The following WDPCP variants were observed in gnomAD, a reference collection of about 807,000 sequenced individuals.
The protein encoded by WDPCP is WD repeat containing planar cell polarity effector, also known as WD repeat-containing and planar cell polarity effector protein fritz homolog.
Under a neutral mutation model 93.1 loss-of-function variants are expected in WDPCP, and 71 were observed. The ratio of observed to expected loss-of-function variants is 0.76; its 90% confidence interval spans 0.63 to 0.93. The LOEUF is 0.93. Among genes scored for constraint, WDPCP ranks in the 40% least tolerant of loss-of-function variants. WDPCP has a pLI of 0.00. For synonymous variants in WDPCP, 315 were observed against 315.0 expected, an observed-to-expected ratio of 1.00 and a Z score of 0.00; for missense variants, 844 against 887.4, an observed-to-expected ratio of 0.95 and a Z score of 0.62.
chr2:63,543,571 AT>A (rs561217927), intron 1 of WDPCP, among the ~76,000 whole-genome samples: 375 of 151,430 alleles, frequency 2.5e-3, no homozygotes, highest in South Asian at 9.0e-3. Context: ...TATCCATATA[AT>A]TTTTTTTTAC....
intron 6 of WDPCP, among the ~76,000 whole-genome samples, chr2:63,448,835 T>C (rs753392669): frequency 3.9e-5 from 6 of 152,132 alleles, no homozygotes; most frequent in Non-Finnish European, 7.4e-5. Flanking sequence ...CTAGAGAGTA[T>C]GATGGTAGTT....
chr2:63,364,142 C>CTTTGTT (rs963164687), intron 12 of WDPCP, among the ~76,000 whole-genome samples: 1 of 152,142 alleles, frequency 6.6e-6, no homozygotes, highest in African/African-American at 2.4e-5. Context: ...CACCATGATT[C>CTTTGTT]TTTGTTTTTT....
chr2:63,153,029 A>G lies in WDPCP; in HGVS notation c.2159-84T>C, dbSNP rs1671988655. 5 of 1,067,432 alleles carry G rather than the reference A, an allele frequency of 4.7e-6. No homozygotes were observed. In the South Asian group the frequency reaches 6.8e-5, roughly 14 times the overall value. The allele number at this position is 1,067,432 out of a possible 1,614,324, so 66.1% of individuals were successfully genotyped here. A position where few individuals can be genotyped will look rare whatever the true frequency, so the allele number is the denominator to read the frequency against. ...AATTTTTTTACAACACTAAAAACAG[A>G]AATGCTTAAAATAATAACAAGTTAC... On this transcript the variant is annotated intron_variant, in intron 16 of 17. Transcript: ENST00000272321.
Position 63,139,170 on chromosome 2 carries a change from T to TACACACACACACAC in WDPCP, c.2190+13730_2190+13743dup, listed in dbSNP as rs143596446. ...GTATATGTGTATGTATATATGTGTA[T>TACACACACACACAC]ACACACACACACACACACACACACA... On this transcript the variant is annotated intron_variant, in intron 17 of 17. Transcript: ENST00000272321. Among the ~76,000 whole-genome samples the TACACACACACACAC allele has an allele frequency of 9.4e-4, 140 of 149,330 alleles. 1 individual carries two copies. The highest frequency in any genetic ancestry group is 3.1e-3 in the African/African-American group (128 of 40,636).
chr2:63,552,156 G>T (rs1319860162), intron 1 of WDPCP, among the ~76,000 whole-genome samples: 1 of 145,860 alleles, frequency 6.9e-6, no homozygotes, highest in Non-Finnish European at 1.5e-5. Context: ...TTCTATTATA[G>T]TACCCAAAAA....
At chr2:63,146,408 T>G (rs1432728846) in intron 17 of WDPCP, among the ~76,000 whole-genome samples, 3 of 40,198 alleles carry the variant, frequency 7.5e-5, no homozygotes, top group Non-Finnish European at 2.0e-4. Flanking sequence ...GAGAGCGTGT[T>G]TTTTTTTTTT....
At chr2:63,364,882 A>G (rs941366154) in intron 12 of WDPCP, among the ~76,000 whole-genome samples, 1 of 152,174 alleles carries the variant, frequency 6.6e-6, no homozygotes, top group Non-Finnish European at 1.5e-5. Context: ...CTTTTTATGT[A>G]AAGGGCCAAA....
chr2:63,348,346 G>A (rs1006395287), intron 12 of WDPCP, among the ~76,000 whole-genome samples: 1 of 152,140 alleles, frequency 6.6e-6, no homozygotes, highest in Admixed American at 6.5e-5. Context: ...CAGACTATAA[G>A]TGCTATAGCA....
intron 1 of WDPCP, among the ~76,000 whole-genome samples, chr2:63,575,427 A>AC (rs1231795951): frequency 1.2e-5 from 1 of 83,886 alleles, no homozygotes; most frequent in African/African-American, 6.2e-5. Context: ...CACTGTATAC[A>AC]GTGTATATAC....
intron 10 of WDPCP, 134 bp downstream of exon 10, chr2:63,403,914 G>C: frequency 8.0e-7 from 1 of 1,242,492 alleles, no homozygotes; most frequent in Non-Finnish European, 1.1e-6. Flanking sequence ...GGAACTATAT[G>C]GATATTTGAA....
At chr2:63,261,622 C>G (rs1027134942) in intron 13 of WDPCP, among the ~76,000 whole-genome samples, 1 of 152,082 alleles carries the variant, frequency 6.6e-6, no homozygotes, top group African/African-American at 2.4e-5. Flanking sequence ...GAAGTGTTAC[C>G]TCCTCTGAAA....
In WDPCP at chr2:63,617,065, A is replaced by G. The variant is rs982227101; in HGVS notation, n.488+33594T>C. On this transcript the variant is annotated intron_variant and non_coding_transcript_variant, in intron 3 of 4. Coordinates refer to the WDPCP transcript ENST00000467687. The stretch of plus-strand genomic sequence containing the variant: ...CAGGTCTTCTGGGGCAGAACTGAGC[A>G]CTTGTAATTAGCACCTCACCACAGG... 2.0e-5 allele frequency among the ~76,000 whole-genome samples: 3 copies of G among 152,336 alleles called. No homozygotes were observed. In the South Asian group the frequency reaches 6.2e-4, roughly 32 times the overall value.
chr2:63,628,228 A>T (rs1006131492), intron 3 of WDPCP, among the ~76,000 whole-genome samples: 12 of 152,184 alleles, frequency 7.9e-5, no homozygotes, highest in Admixed American at 6.5e-4. Context: ...ACAAAATAGG[A>T]TAATGGTAAC....
chr2:63,597,080 AT>A (rs1208213291), intron 3 of WDPCP, among the ~76,000 whole-genome samples: 1 of 152,220 alleles, frequency 6.6e-6, no homozygotes, highest in African/African-American at 2.4e-5. Flanking sequence ...TTGTGTGGTA[AT>A]TAGTGTGAAT....
At chr2:63,219,089 T>C (rs1473915508) in intron 14 of WDPCP, among the ~76,000 whole-genome samples, 1 of 152,234 alleles carries the variant, frequency 6.6e-6, no homozygotes, top group African/African-American at 2.4e-5. Flanking sequence ...TCATAAATCT[T>C]TGCAATGCTC....
intron 15 of WDPCP, among the ~76,000 whole-genome samples, chr2:63,160,740 C>A (rs900378645): frequency 2.0e-5 from 3 of 152,250 alleles, no homozygotes; most frequent in Admixed American, 1.3e-4. Flanking sequence ...CATTTCACAA[C>A]CCCTAATAAA....
At chr2:63,124,744 C>T (rs1669775130) in intron 17 of WDPCP, among the ~76,000 whole-genome samples, 1 of 152,142 alleles carries the variant, frequency 6.6e-6, no homozygotes, top group Non-Finnish European at 1.5e-5. Context: ...TCTTAAAACT[C>T]CCTAATCTGA....
rs372952017 is a variant in WDPCP, at chr2:63,727,323, G to T, written n.309-76485C>A. Among the ~76,000 whole-genome samples, 155 of 152,218 alleles carry T rather than the reference G, an allele frequency of 1.0e-3. 4 individuals carry two copies. In the South Asian group the frequency reaches 0.031, roughly 31 times the overall value. ...GATAATCATGTAGTTTTTGTTTTTA[G>T]CTCTGTCCATGTATTGAATCACATT... On this transcript the variant is annotated intron_variant and non_coding_transcript_variant, in intron 2 of 4. Transcript: ENST00000467687.
At chr2:63,391,728 A>C (rs986026633) in intron 10 of WDPCP, among the ~76,000 whole-genome samples, 3 of 152,172 alleles carry the variant, frequency 2.0e-5, no homozygotes, top group African/African-American at 7.2e-5. Flanking sequence ...AATCACAAGC[A>C]TTCCTATACA....
Sources: gnomAD v4.1 joint callset for allele counts (sites outside exome capture counted in the v4.1 genomes callset) on GRCh38, gnomAD v4.1.1 for gene constraint, MANE v1.5 for transcripts, NCBI Gene and HGNC (gene_info 2026-07-23, HGNC 2026-07-21) for gene names.